Variants in TBC1D32 observed in about 807,000 individuals in gnomAD.
The protein encoded by TBC1D32 is TBC1 domain family member 32.
Under a neutral mutation model 170.3 loss-of-function variants are expected in TBC1D32, and 151 were observed. The observed-to-expected ratio is 0.89, with a 90% CI of 0.78 to 1.01. The LOEUF is 1.01. TBC1D32 is among the 50% of genes least tolerant of loss of function. The probability of loss-of-function intolerance (pLI) is 0.00; values close to 1 mark genes in which losing one functional copy is unlikely to be tolerated. For missense variants in TBC1D32, 1,464 were observed against 1,457.1 expected, an observed-to-expected ratio of 1.00 and a Z score of -0.08; for synonymous variants, 498 against 488.0, an observed-to-expected ratio of 1.02 and a Z score of -0.27.
chr6:121,310,194 GA>G (rs1807973656), intron 4 of TBC1D32, among the ~76,000 whole-genome samples: 1 of 152,052 alleles, frequency 6.6e-6, no homozygotes, highest in Non-Finnish European at 1.5e-5. Flanking sequence ...ATGACATGAT[GA>G]CTATGTTAAT....
chr6:121,265,533 C>T (rs1321059628), intron 15 of TBC1D32, among the ~76,000 whole-genome samples: 1 of 151,230 alleles, frequency 6.6e-6, no homozygotes, highest in African/African-American at 2.4e-5. Context: ...CTACCATTGA[C>T]ATTCTTCACA....
chr6:121,170,053 G>A (rs754630299), intron 22 of TBC1D32, among the ~76,000 whole-genome samples: 1 of 151,996 alleles, frequency 6.6e-6, no homozygotes. Context: ...ATTAAAAGGC[G>A]ATATGGTTTA....
chr6:121,125,016 T>C (rs1780676352), intron 26 of TBC1D32, among the ~76,000 whole-genome samples: 1 of 152,226 alleles, frequency 6.6e-6, no homozygotes, highest in African/African-American at 2.4e-5. Flanking sequence ...TGTCATTTTA[T>C]GATTGGTCTT....
intron 15 of TBC1D32, among the ~76,000 whole-genome samples, chr6:121,276,116 T>C: frequency 1.6e-5 from 2 of 125,866 alleles, no homozygotes; most frequent in South Asian, 2.6e-4. Flanking sequence ...TGAGACCTTG[T>C]CTCAAAAAAA....
chr6:121,253,867 C>T (rs1177219228), intron 17 of TBC1D32, among the ~76,000 whole-genome samples: 1 of 152,050 alleles, frequency 6.6e-6, no homozygotes, highest in Non-Finnish European at 1.5e-5. Flanking sequence ...CAATTTGATC[C>T]AGCAATCCCA....
At chr6:121,252,090 T>A (rs946307098) in intron 17 of TBC1D32, among the ~76,000 whole-genome samples, 2 of 152,176 alleles carry the variant, frequency 1.3e-5, no homozygotes, top group Non-Finnish European at 2.9e-5. Context: ...CTAGAGAGGA[T>A]GTCGAGAAAT....
chr6:121,226,817 A>G (rs918895941), intron 20 of TBC1D32, among the ~76,000 whole-genome samples: 1 of 152,126 alleles, frequency 6.6e-6, no homozygotes, highest in Non-Finnish European at 1.5e-5. Context: ...TCATTATATG[A>G]GCACTTACTT....
intron 15 of TBC1D32, among the ~76,000 whole-genome samples, chr6:121,271,895 G>A (rs1801491970): frequency 6.6e-6 from 1 of 152,110 alleles, no homozygotes; most frequent in Admixed American, 6.6e-5. Context: ...CATGGTACTG[G>A]TACCAAAACA....
At chr6:121,304,147 C>A (rs1445364515) in intron 8 of TBC1D32, among the ~76,000 whole-genome samples, 4 of 148,912 alleles carry the variant, frequency 2.7e-5, no homozygotes, top group Non-Finnish European at 5.9e-5. Context: ...ATTTTTTTTA[C>A]CTTGTGATAA....
chr6:121,227,529 T>A (rs964617090), intron 20 of TBC1D32, among the ~76,000 whole-genome samples: 1 of 152,098 alleles, frequency 6.6e-6, no homozygotes, highest in African/African-American at 2.4e-5. Flanking sequence ...CATAAATGTA[T>A]ATGAAATTTA....
rs1430258850 is a variant in TBC1D32, at chr6:121,216,285, T to C, written c.2481+6951A>G. ...CTCAGATATCAGACTCCAAGTTCTT[T>C]AGTTTTGAGACTCAAACTGGCTCTC... On this transcript the variant is annotated intron_variant, in intron 21 of 31. Transcript: ENST00000398212. Among the ~76,000 whole-genome samples the C allele has an allele frequency of 3.9e-5, 6 of 152,320 alleles. No individual in the cohort carries two copies. In the East Asian group the frequency reaches 1.2e-3, roughly 29 times the overall value.
chr6:121,254,882 G>C (rs532042168), intron 17 of TBC1D32, among the ~76,000 whole-genome samples: 3 of 151,992 alleles, frequency 2.0e-5, no homozygotes, highest in Non-Finnish European at 2.9e-5. Context: ...ATTAAAATTT[G>C]ATATAAATAT....
chr6:121,200,659 G>A (rs1791424278), intron 22 of TBC1D32, among the ~76,000 whole-genome samples: 1 of 151,502 alleles, frequency 6.6e-6, no homozygotes, highest in Non-Finnish European at 1.5e-5. Context: ...TTATTCAGAA[G>A]AAGAAATAAA....
intron 26 of TBC1D32, among the ~76,000 whole-genome samples, chr6:121,123,387 A>AT (rs1780478370): frequency 1.3e-5 from 2 of 152,218 alleles, no homozygotes; most frequent in African/African-American, 4.8e-5. Flanking sequence ...AAAGTCTAGC[A>AT]ATATTTGTTT....
At chr6:121,097,252 G>A (rs1025656481) in intron 30 of TBC1D32, among the ~76,000 whole-genome samples, 3 of 152,024 alleles carry the variant, frequency 2.0e-5, no homozygotes, top group African/African-American at 7.2e-5. Context: ...TCATCAAAGT[G>A]AATAGGCAAC....
chr6:121,146,823 T>G (rs1244669844), intron 24 of TBC1D32, among the ~76,000 whole-genome samples: 1 of 152,182 alleles, frequency 6.6e-6, no homozygotes, highest in Non-Finnish European at 1.5e-5. Context: ...CATTTGTATT[T>G]TTTAAATTTT....
chr6:121,137,914 T>G (rs939498863), intron 24 of TBC1D32, among the ~76,000 whole-genome samples: 1 of 152,020 alleles, frequency 6.6e-6, no homozygotes, highest in Non-Finnish European at 1.5e-5. Flanking sequence ...AACTGACATT[T>G]CTAAAGGGAG....
chr6:121,170,618 A>T (rs1786842530), intron 22 of TBC1D32: 3 of 883,216 alleles, frequency 3.4e-6, no homozygotes, highest in Non-Finnish European at 4.6e-6. Context: ...ATACCTGTAC[A>T]TCAAAATCTA....
chr6:121,198,164 T>C (rs1791007175), intron 22 of TBC1D32, among the ~76,000 whole-genome samples: 1 of 145,342 alleles, frequency 6.9e-6, no homozygotes, highest in Non-Finnish European at 1.5e-5. Context: ...AGATATATAA[T>C]ATATATACAC....
Sources: gnomAD v4.1 joint callset for allele counts (sites outside exome capture counted in the v4.1 genomes callset) on GRCh38, gnomAD v4.1.1 for gene constraint, MANE v1.5 for transcripts, NCBI Gene and HGNC (gene_info 2026-07-23, HGNC 2026-07-21) for gene names.